CACNA1D: variants seen among roughly 807,000 people sequenced by gnomAD.
CACNA1D encodes voltage-dependent L-type calcium channel subunit alpha-1D.
Under a neutral mutation model 257.1 loss-of-function variants are expected in CACNA1D, and 55 were observed. The ratio of observed to expected loss-of-function variants is 0.21; its 90% CI spans 0.17 to 0.27. CACNA1D has a LOEUF of 0.27. Among genes scored for constraint, CACNA1D ranks in the 10% least tolerant of loss-of-function variants. The probability of loss-of-function intolerance (pLI) is 1.00; values close to 1 mark genes in which losing one functional copy is unlikely to be tolerated. For missense variants in CACNA1D, 1,876 were observed against 2,784.0 expected, an observed-to-expected ratio of 0.67 and a Z score of 7.34; for synonymous variants, 980 against 1,014.9, an observed-to-expected ratio of 0.97 and a Z score of 0.65.
chr3:53,684,708 TTAAAG>T (rs2094460368), intron 8 of CACNA1D, among the ~76,000 whole-genome samples: 1 of 151,576 alleles, frequency 6.6e-6, no homozygotes, highest in Non-Finnish European at 1.5e-5. Context: ...AAAAGATAAT[TTAAAG>T]TAAGCACAAG....
At chr3:53,696,799 A>C (rs1379163693) in intron 8 of CACNA1D, among the ~76,000 whole-genome samples, 1 of 152,118 alleles carries the variant, frequency 6.6e-6, no homozygotes, top group African/African-American at 2.4e-5. Context: ...AGGATGGGTG[A>C]ATAAGGCTGG....
At chr3:53,756,563 G>T (rs1191299300) in intron 29 of CACNA1D, among the ~76,000 whole-genome samples, 1 of 152,222 alleles carries the variant, frequency 6.6e-6, no homozygotes, top group Admixed American at 6.5e-5. Flanking sequence ...TCACCAGCTG[G>T]GTGTTGACCT....
chr3:53,722,134 A>G (rs559122180), intron 11 of CACNA1D, among the ~76,000 whole-genome samples, 180 bp from the exon 12 acceptor site: 1 of 152,374 alleles, frequency 6.6e-6, no homozygotes, highest in Admixed American at 6.5e-5. Flanking sequence ...TTTTAAGACC[A>G]ACATAATTTT....
intron 9 of CACNA1D, among the ~76,000 whole-genome samples, chr3:53,707,619 T>C (rs1161226316): frequency 6.6e-6 from 1 of 152,204 alleles, no homozygotes; most frequent in Non-Finnish European, 1.5e-5. Context: ...CAAGGATAAT[T>C]TATTTAACTT....
At chr3:53,732,665 C>T (rs868513639) in intron 18 of CACNA1D, 150 bp from the exon 19 acceptor site, 4 of 778,366 alleles carry the variant, frequency 5.1e-6, no homozygotes, top group South Asian at 2.9e-5. Context: ...CACACTCAGT[C>T]CATGTTCTGA....
intron 3 of CACNA1D, among the ~76,000 whole-genome samples, chr3:53,595,788 C>T (rs983661384): frequency 2.0e-5 from 3 of 152,020 alleles, no homozygotes; most frequent in Non-Finnish European, 4.4e-5. Context: ...TGGTTCCTAC[C>T]CTCGATGAGT....
intron 32 of CACNA1D, among the ~76,000 whole-genome samples, chr3:53,771,659 A>G (rs1432323759): frequency 6.6e-6 from 1 of 152,246 alleles, no homozygotes; most frequent in Non-Finnish European, 1.5e-5. Flanking sequence ...TTGGGAACAA[A>G]CTGCTATAAA....
At chr3:53,713,578 AT>A (rs1438534700) in intron 9 of CACNA1D, among the ~76,000 whole-genome samples, 1 of 151,326 alleles carries the variant, frequency 6.6e-6, no homozygotes, top group African/African-American at 2.4e-5. Context: ...AGCCTGACAC[AT>A]TTGGCTGAGA....
chr3:53,724,065 T>C, intron 14 of CACNA1D, 66 bp downstream of exon 14: 1 of 1,248,280 alleles, frequency 8.0e-7, no homozygotes, highest in Non-Finnish European at 1.2e-6. Flanking sequence ...TCTGCCTTCT[T>C]GTCTGCTCAC....
At chr3:53,772,184 C>T (rs1559659994) in intron 32 of CACNA1D, among the ~76,000 whole-genome samples, 1 of 152,112 alleles carries the variant, frequency 6.6e-6, no homozygotes, top group Non-Finnish European at 1.5e-5. Context: ...CCACACTTGG[C>T]GACCCCCCAG....
At chr3:53,742,390 G>GCA (rs1362902721) in intron 21 of CACNA1D, among the ~76,000 whole-genome samples, 1 of 152,208 alleles carries the variant, frequency 6.6e-6, no homozygotes, top group Non-Finnish European at 1.5e-5. Flanking sequence ...GGTACATGTG[G>GCA]CAGGTGAGCA....
chr3:53,668,171 C>G (rs969361084), intron 7 of CACNA1D, among the ~76,000 whole-genome samples: 2 of 152,122 alleles, frequency 1.3e-5, no homozygotes, highest in Non-Finnish European at 2.9e-5. Context: ...AAATCTGTGA[C>G]TCTTCTCAGC....
At chr3:53,597,919 C>T (rs2093390767) in intron 3 of CACNA1D, among the ~76,000 whole-genome samples, 2 of 152,216 alleles carry the variant, frequency 1.3e-5, no homozygotes, top group Non-Finnish European at 2.9e-5. Context: ...TTTGCCACTA[C>T]AAGTAACTGT....
intron 29 of CACNA1D, among the ~76,000 whole-genome samples, chr3:53,758,615 C>T (rs1043516442): frequency 1.2e-4 from 19 of 152,220 alleles, no homozygotes; most frequent in African/African-American, 4.6e-4. Context: ...CTGAGGCCCA[C>T]ATTAGTCTGG....
intron 8 of CACNA1D, among the ~76,000 whole-genome samples, chr3:53,697,342 T>C (rs183060029): frequency 8.3e-4 from 126 of 152,300 alleles, no homozygotes; most frequent in Non-Finnish European, 1.5e-4. Context: ...TTTTGTTGGA[T>C]ACAATTTTTT....
At chr3:53,714,199 G>T (rs1386917524) in intron 9 of CACNA1D, among the ~76,000 whole-genome samples, 1 of 152,204 alleles carries the variant, frequency 6.6e-6, no homozygotes, top group Non-Finnish European at 1.5e-5. Context: ...TTGTTCATGT[G>T]CAGATGGCCC....
chr3:53,707,803 AAAG>A (rs2094706782), intron 9 of CACNA1D, among the ~76,000 whole-genome samples: 1 of 152,216 alleles, frequency 6.6e-6, no homozygotes, highest in African/African-American at 2.4e-5. Flanking sequence ...TTAAAAAAAA[AAAG>A]CATTAAAAAT....
chr3:53,510,805 G>T (rs575184021), intron 3 of CACNA1D, among the ~76,000 whole-genome samples: 1 of 152,254 alleles, frequency 6.6e-6, no homozygotes, highest in Non-Finnish European at 1.5e-5. Flanking sequence ...AGCATCTGGA[G>T]CATCTGGTTA....
At chr3:53,792,309 A>G (rs2106656775) in intron 40 of CACNA1D, 1 of 152,286 alleles carries the variant, frequency 6.6e-6, no homozygotes, top group Non-Finnish European at 1.5e-5. Flanking sequence ...GCTGATTCCA[A>G]GTGGTGGTTG....
Sources: gnomAD v4.1 joint callset for allele counts (sites outside exome capture counted in the v4.1 genomes callset) on GRCh38, gnomAD v4.1.1 for gene constraint, MANE v1.5 for transcripts, NCBI Gene and HGNC (gene_info 2026-07-23, HGNC 2026-07-21) for gene names.